Variants in NOVA2 observed in about 807,000 individuals in gnomAD.
NOVA2 encodes RNA-binding protein Nova-2.
NOVA2 carries 9 observed loss-of-function variants against 22.5 expected under a neutral mutation model. The observed-to-expected ratio is 0.40, with a 90% CI of 0.24 to 0.70. The LOEUF is 0.70. Ranked by LOEUF, NOVA2 falls within the 30% of genes least tolerant of loss-of-function variation. NOVA2 has a pLI of 0.38. For synonymous variants in NOVA2, 318 were observed against 335.2 expected, an observed-to-expected ratio of 0.95 and a Z score of 0.56; for missense variants, 383 against 682.8, an observed-to-expected ratio of 0.56 and a Z score of 4.89.
At chr19:45,965,993 C>T (rs1317664474) in intron 1 of NOVA2, among the ~76,000 whole-genome samples, 3 of 152,224 alleles carry the variant, frequency 2.0e-5, no homozygotes, top group Non-Finnish European at 4.4e-5. Flanking sequence ...GTGCTTATCA[C>T]AGCATCAGAC....
At position 45,956,510 on chromosome 19, in the gene NOVA2, G is replaced by A. The variant is rs140282216; in HGVS notation, c.230-2564C>T. Among the ~76,000 whole-genome samples, 869 of 150,782 alleles carry A rather than the reference G, an allele frequency of 5.8e-3. 5 individuals are homozygous for A. Among genetic ancestry groups the A allele is most frequent in the Non-Finnish European group, 9.2e-3 (622 of 67,856 alleles). ...CCTGAGACAAGAGTCTCATTCTGTC[G>A]CCCAGGCTGGAGTGCAGCGGTGCGA... On this transcript the variant is annotated intron_variant, in intron 2 of 3. Transcript: ENST00000263257.
rs1472658840 is a variant in NOVA2 at position 45,961,044 on chromosome 19, G to T, written c.195C>A (p.Thr65=). ...AGTCTTTGGACTTGGAGAGCTTGAT[G>T]GTGGCTCCGGTCTCCTTCTGCAGCT... The part of the protein sequence containing the change: ...IVQLQKETGA[T]IKLSKSKDFY... Residue 65 remains threonine, a synonymous_variant, in exon 2 of 4, where the codon ACC becomes ACA. Coordinates refer to ENST00000263257, the MANE Select transcript of NOVA2 (RefSeq NM_002516.4). The T allele has an allele frequency of 2.5e-6, 4 of 1,577,258 alleles. No homozygotes were observed. Among genetic ancestry groups the T allele is most frequent in the Admixed American group, 1.8e-5 (1 of 54,234 alleles).
chr19:45,936,701 A>AT lies in NOVA2; in HGVS notation c.*3161dup, dbSNP rs747521526. On this transcript the variant is annotated 3_prime_UTR_variant, in exon 4 of 4. Coordinates refer to ENST00000263257, the MANE Select transcript of NOVA2 (RefSeq NM_002516.4). The stretch of plus-strand genomic sequence containing the variant: ...ACGGAGGAAAAAAAAATAGAAAGTC[A>AT]TAGGGAGCCAGACAAAGAAAGGGAG... 6.6e-6 allele frequency: 1 copy of AT among 152,158 alleles called. No individual in the cohort carries two copies. Among genetic ancestry groups the AT allele is most frequent in the Non-Finnish European group, 1.5e-5 (1 of 68,066 alleles). 9.4% of individuals were successfully genotyped at this position (152,158 alleles called of 1,614,324 possible).
At chr19:45,953,515 A>G (rs977455678) in intron 3 of NOVA2, among the ~76,000 whole-genome samples, 5 of 152,278 alleles carry the variant, frequency 3.3e-5, no homozygotes, top group Admixed American at 6.5e-5. Flanking sequence ...GGAAGAAAGG[A>G]TCGAACAATA....
chr19:45,940,060 T>C lies in NOVA2; in HGVS notation c.1282A>G (p.Thr428Ala). Residue 428 changes from threonine to alanine, a missense_variant, in exon 4 of 4, where the codon ACG becomes GCG. By Grantham distance (58) the Thr-to-Ala change is moderately conservative (BLOSUM62 0). This residue lies in a region of NOVA2 where 34 missense variants were observed against 104.7 expected (regional missense o/e 0.32). Coordinates refer to ENST00000263257, the MANE Select transcript of NOVA2 (RefSeq NM_002516.4). ...GTCAGCTCCTGGTACTCCACCAACG[T>C]CTTGCCCCCCTTCCCCAGGATGGCT... is the stretch of plus-strand genomic sequence containing the variant. ...VGAILGKGGK[T>A]LVEYQELTGA... is the part of the protein sequence containing the mutation. 1 of 1,613,956 alleles carries C rather than the reference T, an allele frequency of 6.2e-7. No individual in the cohort carries two copies. Among genetic ancestry groups the C allele is most frequent in the Non-Finnish European group, 8.5e-7 (1 of 1,179,924 alleles).
rs62111293 is a variant in NOVA2, at chr19:45,938,692, T to C, written c.*1171A>G. ...CCCTGACAATATTGGTTTTTTTCCG[T>C]TAGAGTCCTCCAGATTGGATCCAAG... On this transcript the variant is annotated 3_prime_UTR_variant, in exon 4 of 4. Transcript: ENST00000263257. 15,488 of 152,236 alleles carry C rather than the reference T, an allele frequency of 0.1. 1,041 individuals are homozygous for C. The highest frequency in any genetic ancestry group is 0.16 in the Non-Finnish European group (10,587 of 67,990). The allele number at this position is 152,236 out of a possible 1,614,324, so 9.4% of individuals were successfully genotyped here.
At chr19:45,964,173 CTTTTTCTTTTTTTT>C (rs1453230000) in intron 1 of NOVA2, among the ~76,000 whole-genome samples, 2 of 123,288 alleles carry the variant, frequency 1.6e-5, no homozygotes, top group African/African-American at 3.0e-5. Flanking sequence ...TTTTCTTTTT[CTTTTTCTTTTTTTT>C]TTTTTTTTTT....
chr19:45,953,062 C>G (rs1041687231), intron 3 of NOVA2, among the ~76,000 whole-genome samples: 2 of 152,230 alleles, frequency 1.3e-5, no homozygotes, highest in Non-Finnish European at 2.9e-5. Flanking sequence ...CGGGAGCCAG[C>G]CCCGCGTTTC....
chr19:45,953,479 G>A (rs1370865049), intron 3 of NOVA2, among the ~76,000 whole-genome samples: 1 of 152,200 alleles, frequency 6.6e-6, no homozygotes, highest in Non-Finnish European at 1.5e-5. Flanking sequence ...TGAGGTGGAA[G>A]AGAGAAGAGG....
chr19:45,973,318 G>T lies in NOVA2; in HGVS notation c.34C>A (p.Pro12Thr). 3 of 1,300,640 alleles carry T rather than the reference G, an allele frequency of 2.3e-6. No individual in the cohort carries two copies. The highest frequency in any genetic ancestry group is 3.2e-5 in the Admixed American group (1 of 31,020). The allele number at this position is 1,300,640 out of a possible 1,614,324, so 80.6% of individuals were successfully genotyped here. A position where few individuals can be genotyped will look rare whatever the true frequency, so the allele number is the denominator to read the frequency against. Residue 12 changes from proline to threonine, a missense_variant, in exon 1 of 4, where the codon CCC becomes ACC. Coordinates refer to ENST00000263257, the MANE Select transcript of NOVA2 (RefSeq NM_002516.4). Reference protein sequence around the residue: ...EPEAPDSRKRPLETPPEVVCT... With the variant: ...EPEAPDSRKRTLETPPEVVCT... ...ACCACCTCGGGGGGCGTTTCGAGGG[G>T]CCTCTTGCGGGAATCCGGGGCCTCG...
At chr19:45,965,997 A>G (rs1198796560) in intron 1 of NOVA2, among the ~76,000 whole-genome samples, 3 of 152,244 alleles carry the variant, frequency 2.0e-5, no homozygotes, top group Non-Finnish European at 4.4e-5. Flanking sequence ...TTATCACAGC[A>G]TCAGACACAG....
intron 3 of NOVA2, among the ~76,000 whole-genome samples, chr19:45,945,012 G>A (rs1029690033): frequency 1.3e-5 from 2 of 152,086 alleles, no homozygotes; most frequent in Non-Finnish European, 2.9e-5. Flanking sequence ...AGATGATCAA[G>A]ATTTCTTTTG....
Position 45,939,855 on chromosome 19 carries a change from C to T in NOVA2, c.*8G>A. 1 of 1,613,966 alleles carries T rather than the reference C, an allele frequency of 6.2e-7. No homozygotes were observed. Among genetic ancestry groups the T allele is most frequent in the Non-Finnish European group, 8.5e-7 (1 of 1,179,930 alleles). On this transcript the variant is annotated 3_prime_UTR_variant, in exon 4 of 4. Coordinates refer to ENST00000263257, the MANE Select transcript of NOVA2 (RefSeq NM_002516.4). ...GAGAGAAAAGGGTGGGAGCACACACCACAGGCCTCATCCCACTTTCTGGGG... is the reference window on the plus strand; with the variant it reads ...GAGAGAAAAGGGTGGGAGCACACACTACAGGCCTCATCCCACTTTCTGGGG...
chr19:45,940,629 A>G lies in NOVA2; in HGVS notation c.713T>C (p.Leu238Pro). The change falls in exon 4 of 4, where the codon CTG (leucine) becomes CCG (proline). Residue 238 changes from leucine (L) to proline (P), a missense_variant. Leu to Pro is a moderately conservative substitution (Grantham distance 98). Coordinates refer to ENST00000263257, the MANE Select transcript of NOVA2 (RefSeq NM_002516.4). ...GSPYASPADVLPAAAAASAAA... is the reference protein window; with the variant it reads ...GSPYASPADVPPAAAAASAAA... ...GGCCGACGCTGCGGCCGCGGCTGGC[A>G]GCACATCCGCGGGGCTGGCGTACGG... is the stretch of plus-strand genomic sequence containing the variant. The G allele has an allele frequency of 6.8e-7, 1 of 1,480,966 alleles. No homozygotes were observed. Among genetic ancestry groups the G allele is most frequent in the Non-Finnish European group, 8.9e-7 (1 of 1,127,620 alleles). 91.7% of individuals were successfully genotyped at this position (1,480,966 alleles called of 1,614,324 possible). A position where few individuals can be genotyped will look rare whatever the true frequency, so the allele number is the denominator to read the frequency against.
chr19:45,947,107 A>G (rs574778782), intron 3 of NOVA2, among the ~76,000 whole-genome samples: 29 of 152,082 alleles, frequency 1.9e-4, no homozygotes, highest in Non-Finnish European at 3.7e-4. Flanking sequence ...TCACTCTCTA[A>G]CATCCTCTAT....
At chr19:45,956,930 G>A (rs1968014607) in intron 2 of NOVA2, among the ~76,000 whole-genome samples, 1 of 152,198 alleles carries the variant, frequency 6.6e-6, no homozygotes, top group Non-Finnish European at 1.5e-5. Context: ...TTCAGAGTCT[G>A]TGCATTCTGC....
chr19:45,963,529 GTTTC>G (rs1968125893), intron 1 of NOVA2, among the ~76,000 whole-genome samples: 1 of 149,002 alleles, frequency 6.7e-6, no homozygotes. Flanking sequence ...CCCTCAGTCA[GTTTC>G]TTTTTTTTTT....
At chr19:45,951,930 G>A (rs1348661275) in intron 3 of NOVA2, among the ~76,000 whole-genome samples, 3 of 152,088 alleles carry the variant, frequency 2.0e-5, no homozygotes, top group African/African-American at 4.8e-5. Flanking sequence ...GCAATAATTC[G>A]GTGGATTTGA....
intron 1 of NOVA2, chr19:45,967,476 T>C (rs1968181941): frequency 6.6e-6 from 1 of 152,154 alleles, no homozygotes; most frequent in Non-Finnish European, 1.5e-5. Context: ...CACTCTTCAC[T>C]CTTCCCTTGA....
Sources: allele counts gnomAD v4.1 joint callset (sites outside exome capture counted in the v4.1 genomes callset), GRCh38; gene constraint gnomAD v4.1.1; regional missense constraint gnomAD v4.1.1; transcripts MANE v1.5; gene names NCBI Gene and HGNC (gene_info 2026-07-23, HGNC 2026-07-21).